Variants in CDH2 observed in about 807,000 individuals in gnomAD.
The protein encoded by CDH2 is cadherin 2, also known as cadherin-2.
Under a neutral mutation model 92.0 loss-of-function variants are expected in CDH2, and 17 were observed. The ratio of observed to expected loss-of-function variants is 0.18; its 90% CI spans 0.13 to 0.28. The LOEUF (loss-of-function observed/expected upper bound fraction) is 0.28. Among genes scored for constraint, CDH2 ranks in the 10% least tolerant of loss-of-function variants. The probability of loss-of-function intolerance (pLI) is 1.00; values close to 1 mark genes in which losing one functional copy is unlikely to be tolerated. For synonymous variants in CDH2, 419 were observed against 415.9 expected, an observed-to-expected ratio of 1.01 and a Z score of -0.09; for missense variants, 862 against 1,133.1, an observed-to-expected ratio of 0.76 and a Z score of 3.44.
intron 2 of CDH2, among the ~76,000 whole-genome samples, chr18:28,032,274 T>C (rs1033689174): frequency 6.6e-6 from 1 of 152,094 alleles, no homozygotes; most frequent in Non-Finnish European, 1.5e-5. Flanking sequence ...CATTCATATA[T>C]GTATTACATC....
intron 2 of CDH2, among the ~76,000 whole-genome samples, chr18:28,043,491 T>TATAA (rs1331281694): frequency 2.4e-4 from 17 of 72,298 alleles, no homozygotes; most frequent in Non-Finnish European, 4.5e-4. Flanking sequence ...TATATATATA[T>TATAA]ATAAATATAT....
intron 2 of CDH2, among the ~76,000 whole-genome samples, chr18:28,056,458 TGCGC>T (rs2014295403): frequency 6.6e-6 from 1 of 152,168 alleles, no homozygotes. Flanking sequence ...GATGAATCCT[TGCGC>T]TTCATTTTGT....
At chr18:28,080,226 T>C (rs2014803383) in intron 2 of CDH2, among the ~76,000 whole-genome samples, 1 of 152,186 alleles carries the variant, frequency 6.6e-6, no homozygotes, top group South Asian at 2.1e-4. Context: ...GGTCACTACC[T>C]GTGAAATCCA....
intron 10 of CDH2, 97 bp from the exon 11 acceptor site, chr18:27,988,763 C>CA: frequency 1.2e-6 from 1 of 853,696 alleles, no homozygotes; most frequent in Non-Finnish European, 1.9e-6. Context: ...CATTAACTTG[C>CA]ATTTCTGTAG....
chr18:28,082,642 T>C (rs1174359276), intron 2 of CDH2, among the ~76,000 whole-genome samples: 1 of 152,202 alleles, frequency 6.6e-6, no homozygotes, highest in African/African-American at 2.4e-5. Context: ...TATTTTATAT[T>C]AGATCATAAA....
chr18:28,123,799 A>T (rs1055011817), intron 2 of CDH2, among the ~76,000 whole-genome samples: 18 of 152,134 alleles, frequency 1.2e-4, no homozygotes, highest in African/African-American at 2.4e-5. Context: ...ACCATGCATG[A>T]TGTGAAGCCC....
chr18:28,012,436 AATATTTATGACCCTATT>A (rs1303774236), intron 3 of CDH2, among the ~76,000 whole-genome samples: 1 of 152,216 alleles, frequency 6.6e-6, no homozygotes, highest in Non-Finnish European at 1.5e-5. Context: ...GAATGTCTCA[AATATTTATGACCCTATT>A]ATATCCCACA....
At chr18:28,067,673 T>A (rs903141946) in intron 2 of CDH2, among the ~76,000 whole-genome samples, 1 of 152,212 alleles carries the variant, frequency 6.6e-6, no homozygotes, top group Admixed American at 6.5e-5. Flanking sequence ...TTCATTTTTT[T>A]AAACAGTATC....
intron 2 of CDH2, among the ~76,000 whole-genome samples, chr18:28,127,121 G>A (rs1699648714): frequency 6.6e-6 from 1 of 152,024 alleles, no homozygotes; most frequent in Non-Finnish European, 1.5e-5. Flanking sequence ...GAAACCAAAT[G>A]GAAGACAGCT....
intron 2 of CDH2, among the ~76,000 whole-genome samples, chr18:28,142,369 G>A (rs1212716018): frequency 1.3e-5 from 2 of 151,696 alleles, no homozygotes; most frequent in Non-Finnish European, 2.9e-5. Flanking sequence ...ACCCAAACTG[G>A]CTTATCTTAC....
intron 6 of CDH2, among the ~76,000 whole-genome samples, chr18:28,005,494 G>A (rs2012889487): frequency 6.6e-6 from 1 of 152,130 alleles, no homozygotes; most frequent in South Asian, 2.1e-4. Flanking sequence ...ATCTGTACTT[G>A]ATAAACAGAA....
intron 14 of CDH2, among the ~76,000 whole-genome samples, chr18:27,964,156 C>T (rs1373888206): frequency 6.6e-6 from 1 of 152,186 alleles, no homozygotes; most frequent in East Asian, 1.9e-4. Flanking sequence ...TCTGGCCCTA[C>T]TGAGGAAAAG....
At chr18:27,958,964 T>C (rs1468086779) in intron 15 of CDH2, among the ~76,000 whole-genome samples, 1 of 152,166 alleles carries the variant, frequency 6.6e-6, no homozygotes, top group African/African-American at 2.4e-5. Context: ...CCTGTGGAAA[T>C]GTGAGTTGAT....
rs186364865 is a variant in CDH2 at position 27,983,602 on chromosome 18, G to A, written c.2210-519C>T. Among the ~76,000 whole-genome samples, 772 of 152,326 alleles carry A rather than the reference G, an allele frequency of 5.1e-3. 1 individual carries two copies. Among genetic ancestry groups the A allele is most frequent in the Non-Finnish European group, 9.0e-3 (611 of 68,022 alleles). On this transcript the variant is annotated intron_variant, in intron 13 of 15. Transcript: ENST00000269141. ...GGAACTAAGTCAGGAATCAGATCTT[G>A]AGGTTTTGACTCCCAGAGGCCGGTG...
At chr18:28,129,687 G>A (rs1264257082) in intron 2 of CDH2, among the ~76,000 whole-genome samples, 2 of 152,130 alleles carry the variant, frequency 1.3e-5, no homozygotes, top group Admixed American at 1.3e-4. Context: ...AATTAGTTGG[G>A]TGTGGTGGTT....
intron 2 of CDH2, among the ~76,000 whole-genome samples, chr18:28,119,991 A>G (rs1484530112): frequency 6.6e-6 from 1 of 152,088 alleles, no homozygotes; most frequent in Non-Finnish European, 1.5e-5. Flanking sequence ...TTCATGGAAC[A>G]AAGTCATCGT....
chr18:27,992,575 T>C (rs2012451483), intron 9 of CDH2, 80 bp downstream of exon 9: 1 of 1,204,932 alleles, frequency 8.3e-7, no homozygotes, highest in African/African-American at 1.5e-5. Context: ...AAGTTTCCAT[T>C]GCAAAACAAT....
chr18:28,124,122 AT>A (rs951368432), intron 2 of CDH2, among the ~76,000 whole-genome samples: 30 of 149,300 alleles, frequency 2.0e-4, no homozygotes, highest in East Asian at 7.8e-4. Flanking sequence ...GCCTGTAGTG[AT>A]TTTTTTTTTA....
intron 14 of CDH2, among the ~76,000 whole-genome samples, chr18:27,968,427 G>C (rs529130803): frequency 6.6e-6 from 1 of 152,228 alleles, no homozygotes; most frequent in African/African-American, 2.4e-5. Flanking sequence ...GGAGGGGGGA[G>C]TTTAAGATGG....
Sources: allele counts gnomAD v4.1 joint callset (sites outside exome capture counted in the v4.1 genomes callset), GRCh38; gene constraint gnomAD v4.1.1; transcripts MANE v1.5; gene names NCBI Gene and HGNC (gene_info 2026-07-23, HGNC 2026-07-21).